PCDH11Y: variants seen among roughly 807,000 people sequenced by gnomAD.
PCDH11Y encodes protocadherin 11 Y-linked.
For synonymous variants in PCDH11Y, 9 were observed against 83.6 expected, an observed-to-expected ratio of 0.11 and a Z score of 4.87; for missense variants, 12 against 224.8, an observed-to-expected ratio of 0.05 and a Z score of 6.05.
At chrY:5,476,190 A>AT (rs2053318363) in intron 2 of PCDH11Y, among the ~76,000 whole-genome samples, 1 of 31,030 alleles carries the variant, frequency 3.2e-5, no homozygotes, top group Non-Finnish European at 7.7e-5. Flanking sequence ...GTAAACTTTT[A>AT]TTTTTTTCTA....
intron 4 of PCDH11Y, among the ~76,000 whole-genome samples, chrY:5,613,317 TA>T (rs2053489983): frequency 3.2e-4 from 10 of 31,561 alleles, no homozygotes; most frequent in Admixed American, 8.9e-4. Context: ...ACCATTTCGC[TA>T]TTTTGCATAT....
chrY:5,276,035 G>A, intron 2 of PCDH11Y, among the ~76,000 whole-genome samples: 1 of 33,168 alleles, frequency 3.0e-5, no homozygotes, highest in Non-Finnish European at 7.5e-5. Flanking sequence ...AAATGTACCT[G>A]TATATTAATT....
chrY:5,572,217 A>G, intron 3 of PCDH11Y, among the ~76,000 whole-genome samples: 1 of 30,702 alleles, frequency 3.3e-5, no homozygotes, highest in African/African-American at 1.3e-4. Context: ...ATGATAACCC[A>G]TTCTGAATAT....
chrY:5,508,320 G>A (rs2053361054), intron 3 of PCDH11Y, among the ~76,000 whole-genome samples: 1 of 32,735 alleles, frequency 3.1e-5, no homozygotes, highest in Non-Finnish European at 7.5e-5. Context: ...ACATTTTATT[G>A]AATATTGAAG....
intron 3 of PCDH11Y, among the ~76,000 whole-genome samples, chrY:5,038,778 C>T: frequency 4.3e-5 from 1 of 22,997 alleles, no homozygotes; most frequent in Non-Finnish European, 9.9e-5. Flanking sequence ...TATTCACTGC[C>T]TAATAGTTTC....
intron 2 of PCDH11Y, among the ~76,000 whole-genome samples, chrY:5,201,982 A>C: frequency 3.0e-5 from 1 of 33,706 alleles, no homozygotes; most frequent in South Asian, 6.6e-4. Context: ...AACCACATTG[A>C]CTTATAACTG....
At chrY:5,449,174 A>G in intron 2 of PCDH11Y, among the ~76,000 whole-genome samples, 2 of 31,634 alleles carry the variant, frequency 6.3e-5, no homozygotes, top group East Asian at 8.6e-4. Flanking sequence ...TATATTGCCT[A>G]TCTCTCAGGG....
At chrY:5,327,201 C>T in intron 2 of PCDH11Y, among the ~76,000 whole-genome samples, 1 of 33,087 alleles carries the variant, frequency 3.0e-5, no homozygotes, top group Non-Finnish European at 7.4e-5. Context: ...TAATCGGTGT[C>T]AGGGTCAATC....
intron 2 of PCDH11Y, among the ~76,000 whole-genome samples, chrY:5,448,889 C>A: frequency 1.8e-4 from 6 of 33,344 alleles, no homozygotes; most frequent in South Asian, 6.7e-4. Context: ...CTTATAGTAT[C>A]GACAAACACA....
intron 2 of PCDH11Y, among the ~76,000 whole-genome samples, chrY:5,236,817 C>T (rs2052975929): frequency 3.4e-5 from 1 of 29,812 alleles, no homozygotes; most frequent in Non-Finnish European, 7.9e-5. Flanking sequence ...AAAATGGCAG[C>T]TGGTTTTACC....
At chrY:5,206,743 G>T in intron 2 of PCDH11Y, among the ~76,000 whole-genome samples, 3 of 32,159 alleles carry the variant, frequency 9.3e-5, no homozygotes. Flanking sequence ...TGTAAAAGAG[G>T]TAACGATGAA....
At chrY:5,560,894 G>C in intron 3 of PCDH11Y, among the ~76,000 whole-genome samples, 1 of 33,625 alleles carries the variant, frequency 3.0e-5, no homozygotes, top group Non-Finnish European at 7.4e-5. Flanking sequence ...CTGTCCCTCA[G>C]ACCCCAGAAT....
At chrY:5,205,368 AAAAG>A (rs2052930352) in intron 2 of PCDH11Y, among the ~76,000 whole-genome samples, 2 of 29,993 alleles carry the variant, frequency 6.7e-5, no homozygotes, top group African/African-American at 2.6e-4. Context: ...TATATATTTA[AAAAG>A]AAAGAAATGA....
At chrY:5,706,238 T>C in intron 4 of PCDH11Y, among the ~76,000 whole-genome samples, 1 of 32,222 alleles carries the variant, frequency 3.1e-5, no homozygotes, top group Non-Finnish European at 7.6e-5. Flanking sequence ...TCAAATAGTG[T>C]GTATAAGACC....
intron 2 of PCDH11Y, among the ~76,000 whole-genome samples, chrY:5,121,614 ACACT>A (rs2052818296): frequency 7.0e-4 from 23 of 33,011 alleles, no homozygotes; most frequent in African/African-American, 2.6e-3. Flanking sequence ...AATCAAGTTG[ACACT>A]CAGTGTTAAC....
At chrY:5,652,739 C>T (rs2124706305) in intron 4 of PCDH11Y, among the ~76,000 whole-genome samples, 1 of 32,292 alleles carries the variant, frequency 3.1e-5, no homozygotes, top group Non-Finnish European at 7.6e-5. Flanking sequence ...TTGGAAGAAC[C>T]GACAGAAGAC....
chrY:5,726,590 C>T, intron 4 of PCDH11Y, among the ~76,000 whole-genome samples: 1 of 32,805 alleles, frequency 3.0e-5, no homozygotes, highest in Non-Finnish European at 7.5e-5. Context: ...TGTGAATATA[C>T]TAAAAACCAC....
chrY:5,501,434 T>C, intron 3 of PCDH11Y, among the ~76,000 whole-genome samples, 179 bp downstream of exon 4: 1 of 33,601 alleles, frequency 3.0e-5, no homozygotes, highest in Non-Finnish European at 7.3e-5. Context: ...TATAATATTT[T>C]AAATGTATGA....
chrY:5,595,490 A>G, intron 4 of PCDH11Y, among the ~76,000 whole-genome samples: 1 of 31,491 alleles, frequency 3.2e-5, no homozygotes, highest in Admixed American at 3.0e-4. Flanking sequence ...GCTTTTAGGC[A>G]AAATCAATTT....
Sources: allele counts gnomAD v4.1 joint callset (sites outside exome capture counted in the v4.1 genomes callset), GRCh38; gene constraint gnomAD v4.1.1; transcripts MANE v1.5; gene names NCBI Gene and HGNC (gene_info 2026-07-23, HGNC 2026-07-21).